The following LINGO2 variants were observed in gnomAD, a reference collection of about 807,000 sequenced individuals.
LINGO2 encodes leucine rich repeat and Ig domain containing 2, also known as leucine-rich repeat and immunoglobulin-like domain-containing nogo receptor-interacting protein 2.
Under a neutral mutation model 30.6 loss-of-function variants are expected in LINGO2, and 14 were observed. The observed-to-expected ratio is 0.46, with a 90% confidence interval of 0.30 to 0.72. LINGO2 has a LOEUF of 0.72. Ranked by LOEUF, LINGO2 falls within the 30% of genes least tolerant of loss-of-function variation. The pLI, the probability that LINGO2 is intolerant of heterozygous loss-of-function variation, is 0.07. For missense variants in LINGO2, 729 were observed against 751.7 expected (o/e 0.97, Z 0.35); for synonymous variants, 317 against 288.5 (o/e 1.10, Z -1.00).
the LINGO2 span, among the ~76,000 whole-genome samples, chr9:29,034,408 T>A: frequency 6.6e-6 from 1 of 152,290 alleles, no homozygotes; most frequent in South Asian, 2.1e-4. Context: ...GATCAAGCTT[T>A]ACACTAACAT....
chr9:28,957,947 C>T, the LINGO2 span, among the ~76,000 whole-genome samples: 30 of 152,114 alleles, frequency 2.0e-4, no homozygotes, highest in Non-Finnish European at 3.2e-4. Flanking sequence ...GAGGTTGGTG[C>T]TGTTAACATG....
chr9:28,416,508 C>A (rs1822973883), intron 2 of LINGO2, among the ~76,000 whole-genome samples: 1 of 151,966 alleles, frequency 6.6e-6, no homozygotes. Context: ...AGAGATATTA[C>A]CTTTTGTGAA....
the LINGO2 span, among the ~76,000 whole-genome samples, chr9:28,830,020 C>A: frequency 2.0e-5 from 3 of 152,132 alleles, no homozygotes; most frequent in African/African-American, 7.2e-5. Context: ...TATCTGACAA[C>A]AAGACAGATT....
the LINGO2 span, among the ~76,000 whole-genome samples, chr9:28,890,592 T>A: frequency 7.4e-4 from 112 of 152,174 alleles, 1 homozygote; most frequent in Non-Finnish European, 1.0e-3. Flanking sequence ...CAATGGGACA[T>A]TCTCTCTTTA....
At chr9:28,964,983 AT>A in the LINGO2 span, among the ~76,000 whole-genome samples, 2 of 151,886 alleles carry the variant, frequency 1.3e-5, no homozygotes, top group Non-Finnish European at 2.9e-5. Flanking sequence ...TATATAAAAA[AT>A]ATACAATTTT....
the LINGO2 span, among the ~76,000 whole-genome samples, chr9:28,923,150 C>CA: frequency 2.6e-5 from 4 of 152,186 alleles, no homozygotes; most frequent in African/African-American, 9.7e-5. Flanking sequence ...ACCCTGCTTT[C>CA]AGCCCGGGAA....
chr9:28,421,651 T>C (rs1368830090), intron 2 of LINGO2, among the ~76,000 whole-genome samples: 1 of 152,032 alleles, frequency 6.6e-6, no homozygotes, highest in African/African-American at 2.4e-5. Flanking sequence ...ATGTGAAAAG[T>C]CCACCTTCTA....
chr9:28,994,192 A>C, the LINGO2 span, among the ~76,000 whole-genome samples: 1 of 152,168 alleles, frequency 6.6e-6, no homozygotes, highest in Non-Finnish European at 1.5e-5. Context: ...ACATCAATGT[A>C]CAAAAATCAC....
the LINGO2 span, among the ~76,000 whole-genome samples, chr9:28,909,557 T>G: frequency 8.5e-4 from 129 of 152,186 alleles, no homozygotes; most frequent in South Asian, 7.9e-3. Context: ...CCACTGACTC[T>G]TGATTTCAGA....
At chr9:28,372,064 A>G (rs1298139563) in intron 3 of LINGO2, among the ~76,000 whole-genome samples, 1 of 152,134 alleles carries the variant, frequency 6.6e-6, no homozygotes, top group Non-Finnish European at 1.5e-5. Flanking sequence ...AAATATATGA[A>G]TAGTAGATGG....
At chr9:29,044,961 TTC>T in the LINGO2 span, among the ~76,000 whole-genome samples, 19 of 152,112 alleles carry the variant, frequency 1.2e-4, no homozygotes, top group African/African-American at 4.1e-4. Context: ...TTGTAAATAT[TTC>T]TCTCTCTCTT....
At chr9:28,893,469 A>G in the LINGO2 span, among the ~76,000 whole-genome samples, 2 of 152,168 alleles carry the variant, frequency 1.3e-5, no homozygotes, top group Admixed American at 6.6e-5. Flanking sequence ...TTTTTTAAAA[A>G]TATAAATTGC....
chr9:28,812,334 TAATA>T, the LINGO2 span, among the ~76,000 whole-genome samples: 1 of 152,180 alleles, frequency 6.6e-6, no homozygotes, highest in Non-Finnish European at 1.5e-5. Flanking sequence ...TTTCTTCTAT[TAATA>T]AATGTATCTA....
the LINGO2 span, among the ~76,000 whole-genome samples, chr9:28,780,506 A>G: frequency 6.6e-6 from 1 of 152,130 alleles, no homozygotes; most frequent in Non-Finnish European, 1.5e-5. Flanking sequence ...AGAAAACAAA[A>G]TGACTTCATG....
chr9:29,188,177 G>T, the LINGO2 span, among the ~76,000 whole-genome samples: 1 of 151,662 alleles, frequency 6.6e-6, no homozygotes, highest in African/African-American at 2.4e-5. Context: ...CTTCCGCAGT[G>T]TTTGTGTCCC....
At chr9:28,027,245 T>G (rs189308500) in intron 4 of LINGO2, among the ~76,000 whole-genome samples, 1 of 152,292 alleles carries the variant, frequency 6.6e-6, no homozygotes, top group Non-Finnish European at 1.5e-5. Flanking sequence ...ATTCTTACAC[T>G]AAAGCATCCC....
intron 1 of LINGO2, among the ~76,000 whole-genome samples, chr9:28,572,403 T>C (rs1823739593): frequency 6.6e-6 from 1 of 152,118 alleles, no homozygotes; most frequent in African/African-American, 2.4e-5. Flanking sequence ...ACAAAGTTAC[T>C]CTTCCATAGC....
intron 4 of LINGO2, among the ~76,000 whole-genome samples, chr9:28,057,585 GTATATACATATATATACACATATA>G (rs1563949715): frequency 4.7e-5 from 1 of 21,230 alleles, no homozygotes; most frequent in Non-Finnish European, 1.3e-4. Flanking sequence ...ACACATATAT[GTATATACATATATATACACATATA>G]TGTATATACA....
At chr9:28,805,724 G>C in the LINGO2 span, among the ~76,000 whole-genome samples, 291 of 152,222 alleles carry the variant, frequency 1.9e-3, 1 homozygote, top group African/African-American at 6.9e-3. Flanking sequence ...GGAAGGAATT[G>C]TTGTCCCTCA....
Sources: gnomAD v4.1 joint callset for allele counts (sites outside exome capture counted in the v4.1 genomes callset) on GRCh38, gnomAD v4.1.1 for gene constraint, MANE v1.5 for transcripts, NCBI Gene and HGNC (gene_info 2026-07-23, HGNC 2026-07-21) for gene names.